EPHB2: variants seen among roughly 807,000 people sequenced by gnomAD.
EPHB2 encodes the protein EPH receptor B2.
In EPHB2, 18 loss-of-function variants were observed where a neutral mutation model predicts 96.4. The ratio of observed to expected loss-of-function variants is 0.19; its 90% CI spans 0.13 to 0.28. The LOEUF (loss-of-function observed/expected upper bound fraction) is 0.28, where lower values mean the gene tolerates loss of function less well. Ranked by LOEUF, EPHB2 falls within the 10% of genes least tolerant of loss-of-function variation. The pLI is 1.00. For missense variants in EPHB2, 989 were observed against 1,355.4 expected, an observed-to-expected ratio of 0.73 and a Z score of 4.25; for synonymous variants, 506 against 534.1, an observed-to-expected ratio of 0.95 and a Z score of 0.72.
Position 22,906,072 on chromosome 1 carries a change from C to T in EPHB2, c.1851C>T (p.Asp617=), listed in dbSNP as rs1363655202. The T allele has an allele frequency of 4.3e-6, 7 of 1,614,078 alleles. No homozygotes were observed. Among genetic ancestry groups the T allele is most frequent in the African/African-American group, 1.3e-5 (1 of 74,920 alleles). The change falls in exon 10 of 16, where the codon GAC becomes GAT. Residue 617 remains aspartate, a synonymous_variant. Transcript: ENST00000374630. This position sits in a 1 kb window ranked among gnomAD's most constrained non-coding sequence, Gnocchi z 4.8. ...TGCGGGAGTTTGCCAAGGAAATTGA[C>T]ATCTCCTGTGTCAAAATTGAGCAGG... is the stretch of plus-strand genomic sequence containing the variant. ...EAVREFAKEI[D]ISCVKIEQVI...
chr1:22,817,758 C>G (rs1435814679), intron 3 of EPHB2, among the ~76,000 whole-genome samples: 2 of 152,216 alleles, frequency 1.3e-5, no homozygotes, highest in African/African-American at 4.8e-5. Flanking sequence ...GAGTGACCCC[C>G]TGCTTGGCAT....
chr1:22,878,912 G>A (rs148299656), intron 5 of EPHB2, among the ~76,000 whole-genome samples: 421 of 152,344 alleles, frequency 2.8e-3, no homozygotes, highest in Non-Finnish European at 5.0e-3. Context: ...TTGCCCTTGC[G>A]GGCTCTGTGT....
chr1:22,842,977 G>C (rs1322437878), intron 3 of EPHB2, among the ~76,000 whole-genome samples: 12 of 152,092 alleles, frequency 7.9e-5, no homozygotes, highest in Non-Finnish European at 1.5e-5. Flanking sequence ...TCTAATACCT[G>C]TTTATTTTTC....
chr1:22,802,324 G>A (rs1387312241), intron 3 of EPHB2, among the ~76,000 whole-genome samples: 4 of 152,140 alleles, frequency 2.6e-5, no homozygotes, highest in African/African-American at 9.7e-5. Context: ...TTTCCACCTG[G>A]GAGGGGCTTT....
chr1:22,773,879 G>A (rs1644412017), intron 1 of EPHB2, among the ~76,000 whole-genome samples: 1 of 152,136 alleles, frequency 6.6e-6, no homozygotes, highest in Admixed American at 6.5e-5. Flanking sequence ...CGGCTCCATC[G>A]CTTCCTGGCC....
intron 3 of EPHB2, among the ~76,000 whole-genome samples, chr1:22,801,632 C>T (rs889875384): frequency 2.0e-5 from 3 of 152,186 alleles, no homozygotes; most frequent in Non-Finnish European, 4.4e-5. Flanking sequence ...GGATGGCCTA[C>T]AGGCCCAAGG....
chr1:22,846,216 G>C lies in EPHB2; in HGVS notation c.812-16821G>C, dbSNP rs1484357144. Among the ~76,000 whole-genome samples the C allele has an allele frequency of 6.6e-6, 1 of 152,096 alleles. No homozygotes were observed. The highest frequency in any genetic ancestry group is 1.5e-5 in the Non-Finnish European group (1 of 68,028). ...GGCGGATCTCTTGGGTCAGGAGTTC[G>C]AGACCAGCCTGGCCAACATGGTGAA... On this transcript the variant is annotated intron_variant, in intron 3 of 15. Transcript: ENST00000374630. The surrounding 1 kb of genome is among the most constrained non-coding windows in gnomAD (Gnocchi z 4.3).
chr1:22,761,066 A>G (rs1644228725), intron 1 of EPHB2, among the ~76,000 whole-genome samples: 1 of 152,174 alleles, frequency 6.6e-6, no homozygotes, highest in African/African-American at 2.4e-5. Flanking sequence ...CAGCATCAGC[A>G]TCACCTGGGA....
intron 1 of EPHB2, among the ~76,000 whole-genome samples, chr1:22,747,634 C>A (rs1316784218): frequency 6.6e-6 from 1 of 152,238 alleles, no homozygotes; most frequent in East Asian, 1.9e-4. Context: ...GCCAGACCCC[C>A]AGTCATCAGG....
At chr1:22,788,172 A>C (rs933037418) in intron 3 of EPHB2, among the ~76,000 whole-genome samples, 1 of 152,222 alleles carries the variant, frequency 6.6e-6, no homozygotes, top group Non-Finnish European at 1.5e-5. Context: ...AGGTGGGATC[A>C]TGGGGCCATG....
rs1230651180 is a variant in EPHB2, at chr1:22,860,294, C to G, written c.812-2743C>G. ...GCGGGGGGAGCGGCCAAGACCAGAC[C>G]AGAGACTGCTGAGGAGGGAAGACCT... is the stretch of plus-strand genomic sequence containing the variant. On this transcript the variant is annotated intron_variant, in intron 3 of 15. Coordinates refer to ENST00000374630, the MANE Select transcript of EPHB2 (RefSeq NM_017449.5). The surrounding 1 kb of genome is among the most constrained non-coding windows in gnomAD (Gnocchi z 4.6). Among the ~76,000 whole-genome samples the G allele has an allele frequency of 6.6e-6, 1 of 152,014 alleles. No individual in the cohort carries two copies. Among genetic ancestry groups the G allele is most frequent in the Non-Finnish European group, 1.5e-5 (1 of 68,008 alleles).
chr1:22,855,092 G>A (rs1645679367), intron 3 of EPHB2, among the ~76,000 whole-genome samples: 1 of 152,212 alleles, frequency 6.6e-6, no homozygotes, highest in Admixed American at 6.5e-5. Context: ...CCTAGAGGGG[G>A]TGCCAGGCAG....
Position 22,846,443 on chromosome 1 carries a change from A to C in EPHB2, c.812-16594A>C. Reference sequence around the variant, plus strand: ...TCTCAAAAAAAAAAAAAAAGAAAAGAAAGTCCTAGGTCAGGGACCGGGCAG... The same window carrying C: ...TCTCAAAAAAAAAAAAAAAGAAAAGCAAGTCCTAGGTCAGGGACCGGGCAG... On this transcript the variant is annotated intron_variant, in intron 3 of 15. Transcript: ENST00000374630. The surrounding 1 kb of genome is among the most constrained non-coding windows in gnomAD (Gnocchi z 4.3). Among the ~76,000 whole-genome samples the C allele has an allele frequency of 6.9e-6, 1 of 145,834 alleles. No homozygotes were observed. The highest frequency in any genetic ancestry group is 1.5e-5 in the Non-Finnish European group (1 of 66,422).
intron 1 of EPHB2, among the ~76,000 whole-genome samples, chr1:22,718,995 A>T (rs1002650115): frequency 3.9e-5 from 6 of 152,170 alleles, no homozygotes; most frequent in Admixed American, 2.0e-4. Flanking sequence ...CTCCATCAAC[A>T]TCCTGAGATA....
At position 22,897,033 on chromosome 1, in the gene EPHB2, T is replaced by C. The variant is rs920015771; in HGVS notation, c.1765+555T>C. Reference sequence around the variant, plus strand: ...AGCAGCAGGAGTCCCTCCTTCCTTCTCTTCCTCTCACTCTGTGGCTCCAGA... The same window carrying C: ...AGCAGCAGGAGTCCCTCCTTCCTTCCCTTCCTCTCACTCTGTGGCTCCAGA... On this transcript the variant is annotated intron_variant, in intron 9 of 15. Transcript: ENST00000374630. Among the ~76,000 whole-genome samples, 6 of 152,304 alleles carry C rather than the reference T, an allele frequency of 3.9e-5. No homozygotes were observed. The East Asian group carries it at 1.2e-3, about 29-fold the overall frequency.
At chr1:22,754,352 A>G (rs1336828695) in intron 1 of EPHB2, among the ~76,000 whole-genome samples, 1 of 152,226 alleles carries the variant, frequency 6.6e-6, no homozygotes, top group African/African-American at 2.4e-5. Flanking sequence ...ATGAAGACAG[A>G]AAGTCCATAT....
At chr1:22,896,526 G>A (rs368793259) in intron 9 of EPHB2, 48 bp downstream of exon 9, 59 of 1,611,530 alleles carry the variant, frequency 3.7e-5, no homozygotes, top group African/African-American at 2.0e-4. Context: ...CTTCACTGTC[G>A]GTTCCCCAGT....
Position 22,746,739 on chromosome 1 carries a change from G to A in EPHB2, c.62-34682G>A, listed in dbSNP as rs139541413. Among the ~76,000 whole-genome samples, 286 of 152,324 alleles carry A rather than the reference G, an allele frequency of 1.9e-3. 3 individuals are homozygous for A. The highest frequency in any genetic ancestry group is 9.3e-3 in the South Asian group (45 of 4,832). ...CCTCACCTCCACCTTTCAGGATGCAGAAGTCAGGTCACAAAGGTGTGAAGT... is the reference window on the plus strand; with the variant it reads ...CCTCACCTCCACCTTTCAGGATGCAAAAGTCAGGTCACAAAGGTGTGAAGT... On this transcript the variant is annotated intron_variant, in intron 1 of 15. Coordinates refer to ENST00000374630, the MANE Select transcript of EPHB2 (RefSeq NM_017449.5).
At chr1:22,829,768 G>T (rs1645277020) in intron 3 of EPHB2, among the ~76,000 whole-genome samples, 1 of 152,144 alleles carries the variant, frequency 6.6e-6, no homozygotes, top group African/African-American at 2.4e-5. Context: ...GGTGAGGCTG[G>T]GTCTCAGACT....
Sources: gnomAD v4.1 joint callset for allele counts (sites outside exome capture counted in the v4.1 genomes callset) on GRCh38, gnomAD v4.1.1 for gene constraint, Gnocchi (gnomAD v3.1) non-coding constraint, MANE v1.5 for transcripts, NCBI Gene and HGNC (gene_info 2026-07-23, HGNC 2026-07-21) for gene names.